MAP4: variants seen among roughly 807,000 people sequenced by gnomAD.
MAP4 encodes microtubule associated protein 4.
Under a neutral mutation model 170.2 loss-of-function variants are expected in MAP4, and 76 were observed. The observed-to-expected ratio is 0.45, with a 90% CI of 0.37 to 0.54. The LOEUF is 0.54. Among genes scored for constraint, MAP4 ranks in the 20% least tolerant of loss-of-function variants. The pLI is 0.00. For missense variants in MAP4, 2,506 were observed against 2,748.0 expected (o/e 0.91, Z 1.97); for synonymous variants, 909 against 994.5 (o/e 0.91, Z 1.62).
At chr3:47,866,645 TC>T (rs1201497227) in intron 17 of MAP4, among the ~76,000 whole-genome samples, 1 of 151,664 alleles carries the variant, frequency 6.6e-6, no homozygotes, top group African/African-American at 2.4e-5. Context: ...TCCCGGCTAC[TC>T]GGGAGGCTGA....
intron 3 of MAP4, among the ~76,000 whole-genome samples, chr3:47,946,654 CAAAAAAA>C (rs11427271): frequency 5.6e-4 from 23 of 40,822 alleles, no homozygotes; most frequent in Admixed American, 1.6e-3. Context: ...AACTCCGTCT[CAAAAAAA>C]AAAAAAAAAA....
rs912253843 is a variant in MAP4, at chr3:47,886,233, TTC to T, written c.5435-8712_5435-8711del. Reference sequence around the variant, plus strand: ...TAACTGTGCATAAGCAGAAACTGCTTTCTCTCTCCCAGAAGGTAGTTCTCACC... The same window carrying T: ...TAACTGTGCATAAGCAGAAACTGCTTTCTCTCCCAGAAGGTAGTTCTCACC... On this transcript the variant is annotated intron_variant, in intron 10 of 20. Transcript: ENST00000683076. Among the ~76,000 whole-genome samples the T allele has an allele frequency of 3.9e-5, 6 of 152,324 alleles. No homozygotes were observed. In the South Asian group the frequency reaches 1.2e-3, roughly 32 times the overall value.
chr3:47,873,609 G>A (rs914926783), intron 12 of MAP4, among the ~76,000 whole-genome samples: 1 of 152,216 alleles, frequency 6.6e-6, no homozygotes, highest in East Asian at 1.9e-4. Flanking sequence ...TGTGAAGAAC[G>A]CTAAGGCTGG....
intron 3 of MAP4, among the ~76,000 whole-genome samples, chr3:47,937,858 C>A (rs925975535): frequency 1.3e-5 from 2 of 150,636 alleles, no homozygotes; most frequent in African/African-American, 4.8e-5. Context: ...GACGAGGTTT[C>A]ACCATGTTGG....
At position 47,909,692 on chromosome 3, in the gene MAP4, G is replaced by A; in HGVS notation, c.4729C>T (p.Pro1577Ser). 6.2e-7 allele frequency: 1 copy of A among 1,613,960 alleles called. No homozygotes were observed. The highest frequency in any genetic ancestry group is 8.5e-7 in the Non-Finnish European group (1 of 1,179,892). ...CTCTGGTCTTCTACTGGCACTCCAG[G>A]AAGGAGGTGACCTTTTGCTAGCTCT... The part of the protein sequence containing the change: ...VTELAKGHLL[P>S]GVPVEDQSLP... The change falls in exon 9 of 21, where the codon CCT becomes TCT. Residue 1577 changes from proline (P) to serine (S), a missense_variant. Pro to Ser is a moderately conservative substitution (Grantham distance 74). Around this residue, in one of 3 missense-constraint regions of MAP4, gnomAD observed 2,008 missense variants for 2,206.0 expected, o/e 0.91. Transcript: ENST00000683076.
intron 1 of MAP4, among the ~76,000 whole-genome samples, chr3:48,055,776 C>T (rs2100130824): frequency 7.7e-6 from 1 of 130,340 alleles, no homozygotes; most frequent in African/African-American, 2.9e-5. Flanking sequence ...TCTTCCCAGC[C>T]GCCATCACAT....
chr3:48,008,447 G>C (rs193143279), intron 1 of MAP4, among the ~76,000 whole-genome samples: 16 of 152,196 alleles, frequency 1.1e-4, no homozygotes, highest in Non-Finnish European at 1.9e-4. Flanking sequence ...GCAGAACTTC[G>C]AGCAGTGCAC....
intron 2 of MAP4, among the ~76,000 whole-genome samples, chr3:47,996,761 C>CACACACAA (rs1373605131): frequency 1.3e-5 from 2 of 151,874 alleles, no homozygotes; most frequent in African/African-American, 4.8e-5. Flanking sequence ...CACACACACA[C>CACACACAA]ACACACACAC....
chr3:48,083,877 C>A (rs1304270756), intron 1 of MAP4, among the ~76,000 whole-genome samples: 1 of 151,158 alleles, frequency 6.6e-6, no homozygotes, highest in African/African-American at 2.4e-5. Flanking sequence ...CAGGCGCTTG[C>A]CACCATGCCA....
At chr3:47,989,620 T>C (rs1033578464) in intron 2 of MAP4, among the ~76,000 whole-genome samples, 3 of 152,192 alleles carry the variant, frequency 2.0e-5, no homozygotes, top group African/African-American at 7.2e-5. Flanking sequence ...TGGATTCTAC[T>C]ATACATACAA....
intron 10 of MAP4, among the ~76,000 whole-genome samples, chr3:47,881,666 T>C (rs929975473): frequency 6.6e-6 from 1 of 151,464 alleles, no homozygotes; most frequent in Non-Finnish European, 1.5e-5. Context: ...GGTGTGATCA[T>C]GGCTGACTGT....
rs755072298 is a variant in MAP4 at position 47,911,176 on chromosome 3, G to T, written c.3245C>A (p.Ser1082Tyr). Residue 1082 changes from serine to tyrosine, a missense_variant, in exon 9 of 21, where the codon TCT (serine) becomes TAT (tyrosine). Around this residue, in one of 3 missense-constraint regions of MAP4, gnomAD observed 2,008 missense variants for 2,206.0 expected, o/e 0.91. Transcript: ENST00000683076. The surrounding 1 kb of genome is among the most constrained non-coding windows in gnomAD (Gnocchi z 4.0). ...RTDSGKVKAK[S>Y]ELPFLLDSQK... is the part of the protein sequence containing the mutation. ...GCTGTCCAGAAGAAATGGCAGCTCA[G>T]ATTTTGCTTTTACCTTCCCAGAATC... 3.9e-6 allele frequency: 6 copies of T among 1,536,086 alleles called. No homozygotes were observed. In the South Asian group the frequency reaches 7.1e-5, roughly 18 times the overall value.
chr3:48,018,385 G>T (rs544936849), upstream of MAP4, among the ~76,000 whole-genome samples: 6 of 152,262 alleles, frequency 3.9e-5, no homozygotes, highest in South Asian at 1.2e-3. Flanking sequence ...ATGACACGAT[G>T]AAAGTTATTA....
Position 47,919,142 on chromosome 3 carries a change from C to T in MAP4, c.530-301G>A, listed in dbSNP as rs557120398. Among the ~76,000 whole-genome samples the T allele has an allele frequency of 7.6e-3, 1,151 of 151,750 alleles. 6 individuals carry two copies. Among genetic ancestry groups the T allele is most frequent in the Middle Eastern group, 0.014 (4 of 294 alleles). ...GAGGCGGGGTTTCACCATGTTAGCCCGGATAGTCTCGATCTCCTGACCTCT... is the reference window on the plus strand; with the variant it reads ...GAGGCGGGGTTTCACCATGTTAGCCTGGATAGTCTCGATCTCCTGACCTCT... On this transcript the variant is annotated intron_variant, in intron 5 of 20. Coordinates refer to ENST00000683076, the MANE Select transcript of MAP4 (RefSeq NM_001385682.1).
chr3:47,968,753 A>C lies in MAP4; in HGVS notation c.292+9112T>G, dbSNP rs115045753. ...GGAAATAAAAAAGATTAAAGTGGAA[A>C]TAAAGGAAACAGAGGAGAGAAAATA... On this transcript the variant is annotated intron_variant, in intron 3 of 20. Transcript: ENST00000683076. Among the ~76,000 whole-genome samples the C allele has an allele frequency of 4.2e-3, 647 of 152,260 alleles. 5 individuals carry two copies. The highest frequency in any genetic ancestry group is 0.014 in the African/African-American group (589 of 41,586).
chr3:48,037,971 A>G (rs1210093232), intron 1 of MAP4, among the ~76,000 whole-genome samples: 4 of 152,028 alleles, frequency 2.6e-5, no homozygotes, highest in Non-Finnish European at 5.9e-5. Context: ...GTTTGAAACC[A>G]GCCTGGCCAA....
At chr3:47,970,550 C>A (rs1229778743) in intron 3 of MAP4, among the ~76,000 whole-genome samples, 1 of 151,912 alleles carries the variant, frequency 6.6e-6, no homozygotes, top group Non-Finnish European at 1.5e-5. Flanking sequence ...TGGCTCACAC[C>A]TACAATCCCA....
At chr3:47,893,693 A>G (rs1325707065) in intron 10 of MAP4, among the ~76,000 whole-genome samples, 1 of 152,058 alleles carries the variant, frequency 6.6e-6, no homozygotes, top group African/African-American at 2.4e-5. Flanking sequence ...AACATAGCAT[A>G]CTGGAAATAT....
At chr3:48,015,015 A>T (rs1439985874) in intron 1 of MAP4, among the ~76,000 whole-genome samples, 1 of 152,118 alleles carries the variant, frequency 6.6e-6, no homozygotes, top group East Asian at 1.9e-4. Flanking sequence ...AAGGGTATAC[A>T]GGCCCAGGAG....
Sources: allele counts gnomAD v4.1 joint callset (sites outside exome capture counted in the v4.1 genomes callset), GRCh38; gene constraint gnomAD v4.1.1; regional missense constraint gnomAD v4.1.1; non-coding constraint Gnocchi (gnomAD v3.1); transcripts MANE v1.5; gene names NCBI Gene and HGNC (gene_info 2026-07-23, HGNC 2026-07-21).